The following RRAS2 variants were observed in gnomAD, a reference collection of about 807,000 sequenced individuals.
RRAS2 encodes RAS related 2, also known as ras-related protein R-Ras2.
RRAS2 carries 7 observed loss-of-function variants against 27.6 expected under a neutral mutation model. The observed-to-expected ratio is 0.25, with a 90% CI of 0.14 to 0.48. The LOEUF (loss-of-function observed/expected upper bound fraction) is 0.48, where lower values mean the gene tolerates loss of function less well. Among genes scored for constraint, RRAS2 ranks in the 20% least tolerant of loss-of-function variants. The probability of loss-of-function intolerance (pLI) is 0.99; values close to 1 mark genes in which losing one functional copy is unlikely to be tolerated. For missense variants in RRAS2, 178 were observed against 256.2 expected, an observed-to-expected ratio of 0.69 and a Z score of 2.08; for synonymous variants, 86 against 90.9, an observed-to-expected ratio of 0.95 and a Z score of 0.31.
chr11:14,302,712 T>C (rs146713684), intron 1 of RRAS2, among the ~76,000 whole-genome samples: 73 of 152,286 alleles, frequency 4.8e-4, no homozygotes, highest in African/African-American at 1.5e-3. Flanking sequence ...GTGACTGTTA[T>C]GTAGCCTCCA....
chr11:14,300,710 C>T (rs782645860), intron 1 of RRAS2, among the ~76,000 whole-genome samples: 2 of 152,206 alleles, frequency 1.3e-5, no homozygotes, highest in Admixed American at 6.5e-5. Context: ...AACAGGAGCT[C>T]GGGCTGGCCT....
At chr11:14,342,745 T>C (rs540100342) in intron 1 of RRAS2, among the ~76,000 whole-genome samples, 1 of 152,324 alleles carries the variant, frequency 6.6e-6, no homozygotes, top group Admixed American at 6.5e-5. Flanking sequence ...ATCTAGATAC[T>C]AGCTACTTAT....
chr11:14,285,543 T>C (rs1255177379), intron 4 of RRAS2, among the ~76,000 whole-genome samples: 2 of 152,250 alleles, frequency 1.3e-5, no homozygotes, highest in Non-Finnish European at 2.9e-5. Context: ...GTACTCTGTA[T>C]TCATTTTCAG....
chr11:14,307,211 A>C (rs930411632), intron 1 of RRAS2, among the ~76,000 whole-genome samples: 3 of 140,556 alleles, frequency 2.1e-5, no homozygotes, highest in African/African-American at 8.2e-5. Context: ...CAAAAAAAAC[A>C]AAAAAAAACA....
chr11:14,303,312 T>C (rs958015147), intron 1 of RRAS2, among the ~76,000 whole-genome samples: 1 of 152,226 alleles, frequency 6.6e-6, no homozygotes, highest in Non-Finnish European at 1.5e-5. Flanking sequence ...GAATAACTGA[T>C]ATACTGAGTT....
At chr11:14,343,300 G>A (rs1440261130) in intron 1 of RRAS2, among the ~76,000 whole-genome samples, 2 of 152,214 alleles carry the variant, frequency 1.3e-5, no homozygotes, top group Admixed American at 6.5e-5. Flanking sequence ...CAGACTAATA[G>A]TGAAACAGAA....
At chr11:14,345,445 A>G (rs1399244435) in intron 1 of RRAS2, among the ~76,000 whole-genome samples, 2 of 152,238 alleles carry the variant, frequency 1.3e-5, no homozygotes, top group African/African-American at 4.8e-5. Flanking sequence ...CACACCAAAT[A>G]TATAAAGTCC....
rs544679040 is a variant in RRAS2, at chr11:14,335,601, A to G, written c.108+23162T>C. ...CTTAATAAACCAAAAAGCCCTTAAA[A>G]TAACTTTTTCTTCTGAAAAGATAGA... On this transcript the variant is annotated intron_variant, in intron 1 of 5. Transcript: ENST00000256196. Among the ~76,000 whole-genome samples, 48 of 152,326 alleles carry G rather than the reference A, an allele frequency of 3.2e-4. No individual in the cohort carries two copies. The South Asian group carries it at 8.9e-3, about 28-fold the overall frequency.
At chr11:14,323,554 C>A (rs1284635112) in intron 1 of RRAS2, among the ~76,000 whole-genome samples, 1 of 151,930 alleles carries the variant, frequency 6.6e-6, no homozygotes, top group African/African-American at 2.4e-5. Context: ...CACCGGCACA[C>A]ACACAAACTA....
At chr11:14,293,826 C>T (rs927495258) in intron 4 of RRAS2, among the ~76,000 whole-genome samples, 20 of 152,084 alleles carry the variant, frequency 1.3e-4, no homozygotes, top group African/African-American at 4.8e-4. Flanking sequence ...TGACCTTGTT[C>T]CCCTCCCCTA....
chr11:14,353,454 A>G (rs1272543376), intron 1 of RRAS2, among the ~76,000 whole-genome samples: 1 of 152,090 alleles, frequency 6.6e-6, no homozygotes, highest in African/African-American at 2.4e-5. Flanking sequence ...GTGTTGTGGC[A>G]CATGCCTGTC....
rs1354213906 is a variant in RRAS2 at position 14,321,419 on chromosome 11, A to C, written c.109-25564T>G. ...TTAAAAGAATGATCAAAAATTGTCAAAACTTCTGAAGTTCTTGTATAGGGG... is the reference window on the plus strand; with the variant it reads ...TTAAAAGAATGATCAAAAATTGTCACAACTTCTGAAGTTCTTGTATAGGGG... On this transcript the variant is annotated intron_variant, in intron 1 of 5. Coordinates refer to ENST00000256196, the MANE Select transcript of RRAS2 (RefSeq NM_012250.6). Among the ~76,000 whole-genome samples, 8 of 152,236 alleles carry C rather than the reference A, an allele frequency of 5.3e-5. No homozygotes were observed. In the South Asian group the frequency reaches 1.7e-3, roughly 32 times the overall value.
intron 1 of RRAS2, among the ~76,000 whole-genome samples, chr11:14,318,190 T>TG (rs1848152542): frequency 6.6e-6 from 1 of 152,092 alleles, no homozygotes; most frequent in African/African-American, 2.4e-5. Flanking sequence ...CCTATATGGA[T>TG]GTTCACTTCT....
intron 1 of RRAS2, among the ~76,000 whole-genome samples, chr11:14,327,457 T>C (rs1465057223): frequency 6.6e-6 from 1 of 152,230 alleles, no homozygotes; most frequent in Non-Finnish European, 1.5e-5. Flanking sequence ...AACAATTCCA[T>C]GCCCTTCCTA....
At chr11:14,297,478 TAAG>T (rs1408969641) in intron 1 of RRAS2, among the ~76,000 whole-genome samples, 15 of 152,206 alleles carry the variant, frequency 9.9e-5, no homozygotes, top group African/African-American at 3.6e-4. Context: ...ATTTAAGTCT[TAAG>T]AATAACTTTA....
At chr11:14,347,510 T>C (rs1329630070) in intron 1 of RRAS2, among the ~76,000 whole-genome samples, 1 of 152,304 alleles carries the variant, frequency 6.6e-6, no homozygotes, top group Non-Finnish European at 1.5e-5. Context: ...TCCCTAATTA[T>C]GTATGTTTAA....
chr11:14,290,569 A>G (rs1849784644), intron 4 of RRAS2, among the ~76,000 whole-genome samples: 1 of 152,386 alleles, frequency 6.6e-6, no homozygotes, highest in South Asian at 2.1e-4. Context: ...TTGCACATCC[A>G]GAGCCCAAGA....
intron 1 of RRAS2, among the ~76,000 whole-genome samples, chr11:14,339,615 C>T (rs1564978894): frequency 6.6e-6 from 1 of 151,866 alleles, no homozygotes. Flanking sequence ...GTAATAGCTA[C>T]TGCAGGTAAG....
chr11:14,319,305 C>A (rs1427169012), intron 1 of RRAS2, among the ~76,000 whole-genome samples: 2 of 145,518 alleles, frequency 1.4e-5, no homozygotes, highest in Non-Finnish European at 3.0e-5. Context: ...AAAACCTGTA[C>A]TACAATAAAA....
Sources: allele counts gnomAD v4.1 joint callset (sites outside exome capture counted in the v4.1 genomes callset), GRCh38; gene constraint gnomAD v4.1.1; transcripts MANE v1.5; gene names NCBI Gene and HGNC (gene_info 2026-07-23, HGNC 2026-07-21).